NEBL: variants seen among roughly 807,000 people sequenced by gnomAD.
The protein encoded by NEBL is LIM and SH3 protein 2.
In NEBL, 122 loss-of-function variants were observed where a neutral mutation model predicts 140.2. That is an observed-to-expected ratio of 0.87 (90% CI 0.75 to 1.01). The LOEUF (loss-of-function observed/expected upper bound fraction) is 1.01, where lower values mean the gene tolerates loss of function less well. Among genes scored for constraint, NEBL ranks in the 50% least tolerant of loss-of-function variants. NEBL has a pLI of 0.00. For synonymous variants in NEBL, 436 were observed against 398.9 expected, an observed-to-expected ratio of 1.09 and a Z score of -1.11; for missense variants, 1,365 against 1,231.3, an observed-to-expected ratio of 1.11 and a Z score of -1.62.
At chr10:20,851,602 C>T (rs1474347079) in intron 10 of NEBL, among the ~76,000 whole-genome samples, 2 of 149,628 alleles carry the variant, frequency 1.3e-5, no homozygotes, top group South Asian at 2.1e-4. Flanking sequence ...AGTGAAACCC[C>T]GTCTTTACTA....
chr10:20,806,581 A>AC (rs1237618955), intron 26 of NEBL, among the ~76,000 whole-genome samples: 1 of 151,856 alleles, frequency 6.6e-6, no homozygotes, highest in Non-Finnish European at 1.5e-5. Context: ...CCCTCATTCC[A>AC]CCCCGTCACA....
intron 2 of NEBL, among the ~76,000 whole-genome samples, chr10:21,171,281 G>A (rs1174600429): frequency 1.3e-5 from 2 of 148,982 alleles, no homozygotes; most frequent in Non-Finnish European, 3.0e-5. Flanking sequence ...GTTGCAGTGA[G>A]CCAAGATCAT....
At chr10:20,952,813 G>T (rs1301260834) in intron 4 of NEBL, among the ~76,000 whole-genome samples, 1 of 146,698 alleles carries the variant, frequency 6.8e-6, no homozygotes, top group Non-Finnish European at 1.5e-5. Flanking sequence ...ACTGAGGCAC[G>T]AGAATTACTT....
intron 1 of NEBL, among the ~76,000 whole-genome samples, chr10:21,283,505 C>T (rs559593268): frequency 2.9e-4 from 44 of 152,210 alleles, no homozygotes; most frequent in African/African-American, 9.9e-4. Flanking sequence ...ATCCAAGAAC[C>T]GCCTCTTGGG....
chr10:21,064,796 T>C (rs1258087255), intron 2 of NEBL, among the ~76,000 whole-genome samples: 1 of 152,070 alleles, frequency 6.6e-6, no homozygotes, highest in African/African-American at 2.4e-5. Flanking sequence ...GATAGGATAA[T>C]TAACAGAGAT....
At chr10:21,069,052 A>G (rs1480435238) in intron 2 of NEBL, among the ~76,000 whole-genome samples, 1 of 151,916 alleles carries the variant, frequency 6.6e-6, no homozygotes, top group Non-Finnish European at 1.5e-5. Flanking sequence ...CCACACCTGG[A>G]TACTTTTTAT....
At chr10:21,204,030 C>T (rs1589327690) in intron 3 of NEBL, among the ~76,000 whole-genome samples, 1 of 152,310 alleles carries the variant, frequency 6.6e-6, no homozygotes, top group East Asian at 1.9e-4. Flanking sequence ...ACCCGGAAAT[C>T]AGGCTTTGAA....
chr10:21,290,172 T>C (rs891911297), intron 1 of NEBL, among the ~76,000 whole-genome samples: 8 of 152,196 alleles, frequency 5.3e-5, no homozygotes, highest in African/African-American at 1.9e-4. Context: ...CTAAAATGTC[T>C]GTGGGAAATT....
chr10:20,796,358 C>A, intron 26 of NEBL, among the ~76,000 whole-genome samples: 1 of 56,298 alleles, frequency 1.8e-5, no homozygotes, highest in Admixed American at 2.7e-4. Flanking sequence ...GAAACTCAGT[C>A]TAAAACAAGA....
At chr10:20,975,285 T>C (rs1215646214) in intron 3 of NEBL, among the ~76,000 whole-genome samples, 2 of 152,132 alleles carry the variant, frequency 1.3e-5, no homozygotes, top group Non-Finnish European at 2.9e-5. Flanking sequence ...CAGTTTGAGG[T>C]TGACATGGAT....
chr10:21,230,008 C>T (rs1448950495), intron 3 of NEBL, among the ~76,000 whole-genome samples: 6 of 152,374 alleles, frequency 3.9e-5, no homozygotes, highest in East Asian at 1.9e-4. Flanking sequence ...AATGAATCAA[C>T]TCTTCTTTCT....
At chr10:20,875,648 C>T (rs764531443) in intron 5 of NEBL, among the ~76,000 whole-genome samples, 1 of 152,020 alleles carries the variant, frequency 6.6e-6, no homozygotes, top group African/African-American at 2.4e-5. Flanking sequence ...AAGTGGAAGT[C>T]AAGGAGATGA....
chr10:20,912,672 T>C (rs1455184675), intron 4 of NEBL, among the ~76,000 whole-genome samples: 2 of 152,142 alleles, frequency 1.3e-5, no homozygotes, highest in Non-Finnish European at 2.9e-5. Context: ...CTACTTACGT[T>C]GCACCTAGAT....
In NEBL at chr10:21,209,661, C is replaced by CT. The variant is rs796931946; in HGVS notation, n.349-37185dup. 9.2e-3 allele frequency among the ~76,000 whole-genome samples: 1,145 copies of CT among 124,350 alleles called. 9 individuals carry two copies. Among genetic ancestry groups the CT allele is most frequent in the African/African-American group, 0.023 (768 of 32,882 alleles). 81.6% of individuals were successfully genotyped at this position (124,350 alleles called of 152,430 possible). ...TAGGCACCTGACCTTTTTTTTTTTTCTTTTTTTTTTTTTTCTTTTTTTTAC... is the reference window on the plus strand; with the variant it reads ...TAGGCACCTGACCTTTTTTTTTTTTCTTTTTTTTTTTTTTTCTTTTTTTTAC... On this transcript the variant is annotated intron_variant and non_coding_transcript_variant, in intron 3 of 8. Transcript: ENST00000675702.
chr10:21,073,753 A>C (rs763781464), intron 2 of NEBL, among the ~76,000 whole-genome samples: 3 of 152,078 alleles, frequency 2.0e-5, no homozygotes, highest in Non-Finnish European at 4.4e-5. Flanking sequence ...CATGGCTAAA[A>C]GGAAGAGAGA....
intron 3 of NEBL, among the ~76,000 whole-genome samples, chr10:21,229,383 T>C (rs1382145687): frequency 6.6e-6 from 1 of 152,112 alleles, no homozygotes; most frequent in East Asian, 1.9e-4. Context: ...ATCATGCCAC[T>C]GCACTCCAAC....
chr10:20,970,385 T>G (rs906034756), intron 3 of NEBL, among the ~76,000 whole-genome samples: 1 of 152,090 alleles, frequency 6.6e-6, no homozygotes, highest in Non-Finnish European at 1.5e-5. Flanking sequence ...ACATCTGTAA[T>G]CCCAGCACTT....
intron 25 of NEBL, among the ~76,000 whole-genome samples, chr10:20,809,450 T>C (rs1837916522): frequency 6.6e-6 from 1 of 152,318 alleles, no homozygotes; most frequent in East Asian, 1.9e-4. Flanking sequence ...TATAATTCTT[T>C]AAATCTACCT....
intron 3 of NEBL, among the ~76,000 whole-genome samples, chr10:21,217,475 C>A (rs1021573809): frequency 3.3e-4 from 47 of 142,946 alleles, no homozygotes; most frequent in African/African-American, 1.3e-3. Context: ...TGCCAGGTGG[C>A]CAGCAAGTTC....
Sources: gnomAD v4.1 joint callset for allele counts (sites outside exome capture counted in the v4.1 genomes callset) on GRCh38, gnomAD v4.1.1 for gene constraint, MANE v1.5 for transcripts, NCBI Gene and HGNC (gene_info 2026-07-23, HGNC 2026-07-21) for gene names.